The following SFXN5 variants were observed in gnomAD, a reference collection of about 807,000 sequenced individuals.
The protein encoded by SFXN5 is sideroflexin 5.
In SFXN5, 43 loss-of-function variants were observed where a neutral mutation model predicts 50.2. The ratio of observed to expected loss-of-function variants is 0.86; its 90% CI spans 0.67 to 1.11. The LOEUF (loss-of-function observed/expected upper bound fraction) is 1.11, where lower values mean the gene tolerates loss of function less well. Among genes scored for constraint, SFXN5 ranks in the 50% least tolerant of loss-of-function variants. The pLI is 0.00. For synonymous variants in SFXN5, 203 were observed against 185.8 expected, an observed-to-expected ratio of 1.09 and a Z score of -0.75; for missense variants, 463 against 454.1, an observed-to-expected ratio of 1.02 and a Z score of -0.18.
chr2:72,947,319 C>A (rs926891459), intron 13 of SFXN5, among the ~76,000 whole-genome samples: 4 of 152,222 alleles, frequency 2.6e-5, no homozygotes, highest in African/African-American at 9.7e-5. Context: ...AGACGGGGTT[C>A]CCCTGGAGAC....
chr2:73,037,632 CAAAG>C (rs995090507), intron 3 of SFXN5, among the ~76,000 whole-genome samples: 3 of 152,008 alleles, frequency 2.0e-5, no homozygotes, highest in African/African-American at 7.2e-5. Context: ...TAAATATTTC[CAAAG>C]AAAGAAAACA....
intron 6 of SFXN5, among the ~76,000 whole-genome samples, chr2:73,010,195 T>C (rs992917010): frequency 6.6e-6 from 1 of 152,260 alleles, no homozygotes; most frequent in Non-Finnish European, 1.5e-5. Flanking sequence ...ATCAACTATA[T>C]ACCCAGCTAA....
intron 2 of SFXN5, among the ~76,000 whole-genome samples, chr2:73,052,221 G>C (rs537871437): frequency 2.6e-5 from 4 of 152,144 alleles, no homozygotes; most frequent in Admixed American, 2.0e-4. Flanking sequence ...CTTTTTGTGG[G>C]TAGCAGTATT....
intron 13 of SFXN5, among the ~76,000 whole-genome samples, chr2:72,951,816 T>C (rs747789651): frequency 1.3e-5 from 2 of 152,106 alleles, no homozygotes; most frequent in Admixed American, 6.5e-5. Context: ...CTGCAGAAGG[T>C]GGCGACATTG....
intron 10 of SFXN5, among the ~76,000 whole-genome samples, chr2:72,978,183 A>G (rs1670867257): frequency 6.6e-6 from 1 of 152,014 alleles, no homozygotes; most frequent in African/African-American, 2.4e-5. Context: ...CCAAATGTCC[A>G]ATAAAGTTAA....
chr2:72,952,627 A>G (rs1328509643), intron 13 of SFXN5, among the ~76,000 whole-genome samples: 3 of 152,204 alleles, frequency 2.0e-5, no homozygotes, highest in African/African-American at 7.2e-5. Flanking sequence ...GCTTTGCACC[A>G]TTCCTGGGTG....
chr2:73,006,890 G>A (rs1427170339), intron 6 of SFXN5, among the ~76,000 whole-genome samples: 1 of 152,230 alleles, frequency 6.6e-6, no homozygotes, highest in Non-Finnish European at 1.5e-5. Context: ...TGCCCTGACA[G>A]GCCCAGGAAG....
chr2:73,014,297 A>G (rs1028464085), intron 6 of SFXN5, among the ~76,000 whole-genome samples: 2 of 152,202 alleles, frequency 1.3e-5, no homozygotes, highest in African/African-American at 2.4e-5. Context: ...CAGCTGTCCC[A>G]GCACCATATA....
intron 2 of SFXN5, among the ~76,000 whole-genome samples, chr2:73,052,615 T>C (rs895314689): frequency 2.0e-5 from 3 of 152,222 alleles, no homozygotes; most frequent in African/African-American, 7.2e-5. Context: ...TAGTTTTCTA[T>C]GCCCTTCATG....
At chr2:72,999,248 C>T (rs771133398) in intron 8 of SFXN5, among the ~76,000 whole-genome samples, 2 of 152,284 alleles carry the variant, frequency 1.3e-5, no homozygotes, top group East Asian at 1.9e-4. Context: ...TCACTCCTGC[C>T]CTGTTCTAGA....
Position 72,971,568 on chromosome 2 carries a change from A to G in SFXN5, c.741+2T>C. The G allele has an allele frequency of 6.2e-7, 1 of 1,612,566 alleles. No individual in the cohort carries two copies. The highest frequency in any genetic ancestry group is 8.5e-7 in the Non-Finnish European group (1 of 1,178,868). On this transcript the variant is annotated splice_donor_variant, in intron 11 of 13. Coordinates refer to ENST00000272433, the MANE Select transcript of SFXN5 (RefSeq NM_144579.3). LOFTEE classifies it high-confidence loss of function. ...CCCAACCCTGCGAACCCCCAGACCC[A>G]CGTGTCGGGCTGCGATCTTGGAGGA...
intron 2 of SFXN5, among the ~76,000 whole-genome samples, chr2:73,047,275 T>TATATATATATATATATATATATATATAC (rs1300799277): frequency 2.9e-4 from 15 of 51,722 alleles, no homozygotes; most frequent in Non-Finnish European, 4.5e-4. Context: ...TATATATATA[T>TATATATATATATATATATATATATATAC]ACACACATAT....
intron 13 of SFXN5, among the ~76,000 whole-genome samples, chr2:72,949,246 A>C (rs1023162887): frequency 2.0e-5 from 3 of 152,172 alleles, no homozygotes; most frequent in African/African-American, 7.2e-5. Context: ...AGGCTACATG[A>C]AGGTGTCAGC....
intron 7 of SFXN5, among the ~76,000 whole-genome samples, 174 bp downstream of exon 7, chr2:73,001,351 A>G (rs1267349975): frequency 6.6e-6 from 1 of 152,240 alleles, no homozygotes; most frequent in East Asian, 1.9e-4. Flanking sequence ...AGACCTGCTC[A>G]GCAGGGCCAA....
chr2:73,055,055 G>A (rs1681910952), intron 2 of SFXN5, among the ~76,000 whole-genome samples: 1 of 152,236 alleles, frequency 6.6e-6, no homozygotes, highest in Non-Finnish European at 1.5e-5. Flanking sequence ...GAGGGGGGAT[G>A]GTTCTAGGCC....
intron 12 of SFXN5, among the ~76,000 whole-genome samples, chr2:72,967,847 C>T (rs1441077650): frequency 1.3e-5 from 2 of 152,216 alleles, no homozygotes; most frequent in African/African-American, 4.8e-5. Flanking sequence ...GTTTCGCACT[C>T]ATTCATTAAT....
At chr2:73,042,546 G>C (rs552974978) in intron 2 of SFXN5, 2 of 152,366 alleles carry the variant, frequency 1.3e-5, no homozygotes, top group Admixed American at 1.3e-4. Context: ...CTGGGAGGTA[G>C]AGGTTGCAGT....
chr2:73,030,909 G>C (rs1678220779), intron 3 of SFXN5, among the ~76,000 whole-genome samples: 1 of 152,102 alleles, frequency 6.6e-6, no homozygotes, highest in Non-Finnish European at 1.5e-5. Context: ...GTGGGCAACT[G>C]GGGGAGAGAA....
In SFXN5 at chr2:72,961,569, T is replaced by C. The variant is rs1353077171; in HGVS notation, c.828-321A>G. 4.6e-5 allele frequency among the ~76,000 whole-genome samples: 7 copies of C among 152,102 alleles called. No homozygotes were observed. The highest frequency in any genetic ancestry group is 1.7e-4 in the African/African-American group (7 of 41,412). On this transcript the variant is annotated intron_variant, in intron 12 of 13. Coordinates refer to ENST00000272433, the MANE Select transcript of SFXN5 (RefSeq NM_144579.3). The surrounding 1 kb of genome is among the most constrained non-coding windows in gnomAD (Gnocchi z 4.4). ...CCAGCCCCGTGCCAAGAAGGCCCTA[T>C]GTGGGAGAGACACTCAAAGAGGCTG...
Sources: allele counts gnomAD v4.1 joint callset (sites outside exome capture counted in the v4.1 genomes callset), GRCh38; gene constraint gnomAD v4.1.1; non-coding constraint Gnocchi (gnomAD v3.1); transcripts MANE v1.5; gene names NCBI Gene and HGNC (gene_info 2026-07-23, HGNC 2026-07-21).